LARP4B: variants seen among roughly 807,000 people sequenced by gnomAD.
LARP4B encodes the protein la-related protein 4B.
In LARP4B, 12 loss-of-function variants were observed where a neutral mutation model predicts 89.8. The observed-to-expected ratio is 0.13, with a 90% confidence interval of 0.09 to 0.22. LARP4B has a LOEUF of 0.22. Ranked by LOEUF, LARP4B falls within the 10% of genes least tolerant of loss-of-function variation. The pLI is 1.00. For synonymous variants in LARP4B, 367 were observed against 363.3 expected, an observed-to-expected ratio of 1.01 and a Z score of -0.12; for missense variants, 757 against 947.7, an observed-to-expected ratio of 0.80 and a Z score of 2.64.
chr10:872,935 G>A (rs1835297266), intron 3 of LARP4B: 3 of 760,366 alleles, frequency 3.9e-6, no homozygotes, highest in East Asian at 1.3e-4. Context: ...CAGACCCTGC[G>A]AAAATCCTTG....
chr10:840,267 G>A (rs117421726), intron 7 of LARP4B, among the ~76,000 whole-genome samples: 161 of 152,214 alleles, frequency 1.1e-3, no homozygotes, highest in South Asian at 2.1e-3. Context: ...ACAGGCAGGG[G>A]TGACACCCTC....
In LARP4B at chr10:931,546, C is replaced by A. The variant is rs1830612880; in HGVS notation, c.-158G>T. ...GGAGAGAGACGGCAGGGAGAGGCGG[C>A]GCGGCCGGGCCGGGCCGGGCCGGAG... On this transcript the variant is annotated 5_prime_UTR_variant, in exon 1 of 18. Transcript: ENST00000316157. 6.7e-6 allele frequency: 1 copy of A among 150,092 alleles called. No individual in the cohort carries two copies. Among genetic ancestry groups the A allele is most frequent in the African/African-American group, 2.4e-5 (1 of 40,928 alleles). The allele number at this position is 150,092 out of a possible 1,614,324, so 9.3% of individuals were successfully genotyped here.
intron 1 of LARP4B, among the ~76,000 whole-genome samples, chr10:922,702 A>T (rs1837014094): frequency 6.6e-6 from 1 of 151,492 alleles, no homozygotes; most frequent in South Asian, 2.1e-4. Context: ...TAAATAAATA[A>T]ATAAATAAAT....
intron 1 of LARP4B, among the ~76,000 whole-genome samples, chr10:919,160 ATTAAG>A (rs1192168337): frequency 2.6e-5 from 4 of 152,344 alleles, no homozygotes; most frequent in South Asian, 4.1e-4. Flanking sequence ...TATTTAAATA[ATTAAG>A]TTATTAAACT....
intron 5 of LARP4B, among the ~76,000 whole-genome samples, chr10:859,247 C>A (rs1834467546): frequency 6.7e-6 from 1 of 149,376 alleles, no homozygotes; most frequent in Non-Finnish European, 1.5e-5. Context: ...CCAGTGCACT[C>A]CAGCCTGGGC....
intron 1 of LARP4B, among the ~76,000 whole-genome samples, chr10:900,849 C>CCTCATGAT (rs1836322284): frequency 6.6e-6 from 1 of 151,286 alleles, no homozygotes; most frequent in South Asian, 2.1e-4. Context: ...GAACTCCTGA[C>CCTCATGAT]CTCATGATCT....
rs542240624 is a variant in LARP4B, at chr10:833,390, A to G, written c.751-2413T>C. Among the ~76,000 whole-genome samples the G allele has an allele frequency of 1.6e-4, 25 of 152,028 alleles. No individual in the cohort carries two copies. The East Asian group carries it at 4.7e-3, about 28-fold the overall frequency. On this transcript the variant is annotated intron_variant, in intron 8 of 17. Coordinates refer to ENST00000316157, the MANE Select transcript of LARP4B (RefSeq NM_015155.3). ...CTGAAGAAGCATGCCCTAAAGCACC[A>G]CTAAAAAACAGAAACACAGAGTTAT...
chr10:849,285 G>T (rs556324383), intron 5 of LARP4B, among the ~76,000 whole-genome samples: 1 of 152,326 alleles, frequency 6.6e-6, no homozygotes, highest in South Asian at 2.1e-4. Context: ...GCTCCTTGGA[G>T]AAATGGCTGA....
chr10:942,853 C>A, the LARP4B span: 1 of 152,168 alleles, frequency 6.6e-6, no homozygotes, highest in African/African-American at 2.4e-5. Flanking sequence ...GAGAGGCCCA[C>A]ATGGAGAGGA....
chr10:831,055 T>C, intron 8 of LARP4B, 78 bp from the exon 9 acceptor site: 1 of 615,572 alleles, frequency 1.6e-6, no homozygotes, highest in Non-Finnish European at 2.9e-6. Context: ...TTTTAACAAA[T>C]GCATTCTCTT....
intron 5 of LARP4B, among the ~76,000 whole-genome samples, chr10:851,332 C>T (rs1216937057): frequency 3.3e-5 from 5 of 151,876 alleles, no homozygotes; most frequent in Non-Finnish European, 7.4e-5. Context: ...CACAGGCGCC[C>T]GCCACCACAG....
chr10:849,150 G>C (rs1414321361), intron 5 of LARP4B, among the ~76,000 whole-genome samples: 5 of 152,032 alleles, frequency 3.3e-5, no homozygotes, highest in Non-Finnish European at 7.4e-5. Flanking sequence ...AAAGAAGAAG[G>C]CTGCTCCAAA....
At chr10:887,574 G>A (rs536288623) in intron 1 of LARP4B, among the ~76,000 whole-genome samples, 11 of 151,624 alleles carry the variant, frequency 7.3e-5, no homozygotes, top group South Asian at 4.2e-4. Context: ...AGCCAGGAAC[G>A]GTGGCGGGCA....
intron 1 of LARP4B, among the ~76,000 whole-genome samples, chr10:886,728 C>T (rs578218100): frequency 6.6e-6 from 1 of 152,214 alleles, no homozygotes; most frequent in African/African-American, 2.4e-5. Flanking sequence ...AACACAAATA[C>T]TGCATGATCT....
At chr10:832,043 T>G (rs536238857) in intron 8 of LARP4B, among the ~76,000 whole-genome samples, 3 of 152,198 alleles carry the variant, frequency 2.0e-5, no homozygotes, top group Non-Finnish European at 4.4e-5. Flanking sequence ...TTTTTATTTT[T>G]TTTTATTTAT....
At chr10:912,689 T>C (rs1334670004) in intron 1 of LARP4B, among the ~76,000 whole-genome samples, 2 of 111,604 alleles carry the variant, frequency 1.8e-5, no homozygotes, top group Non-Finnish European at 3.5e-5. Flanking sequence ...CTGGGCAACA[T>C]GGAGAAACCT....
At chr10:908,285 G>A (rs956046587) in intron 1 of LARP4B, among the ~76,000 whole-genome samples, 5 of 152,140 alleles carry the variant, frequency 3.3e-5, no homozygotes, top group African/African-American at 1.2e-4. Flanking sequence ...TTAAAGAGTG[G>A]CAGCCCAAAG....
intron 3 of LARP4B, chr10:869,937 T>C (rs1246990832): frequency 5.7e-6 from 1 of 175,628 alleles, no homozygotes; most frequent in African/African-American, 2.5e-5. Flanking sequence ...ATAATAATAA[T>C]AATAATAATA....
At chr10:928,556 C>A (rs950723855) in intron 1 of LARP4B, among the ~76,000 whole-genome samples, 2 of 152,112 alleles carry the variant, frequency 1.3e-5, no homozygotes, top group South Asian at 2.1e-4. Flanking sequence ...ATTGTAAACA[C>A]CATTAACAAT....
Sources: gnomAD v4.1 joint callset for allele counts (sites outside exome capture counted in the v4.1 genomes callset) on GRCh38, gnomAD v4.1.1 for gene constraint, MANE v1.5 for transcripts, NCBI Gene and HGNC (gene_info 2026-07-23, HGNC 2026-07-21) for gene names.